ADK: variants seen among roughly 807,000 people sequenced by gnomAD.
ADK encodes N6,N6-dimethyladenosine kinase.
Under a neutral mutation model 44.7 loss-of-function variants are expected in ADK, and 24 were observed. The observed-to-expected ratio is 0.54, with a 90% CI of 0.39 to 0.76. The LOEUF (loss-of-function observed/expected upper bound fraction) is 0.76, where lower values mean the gene tolerates loss of function less well. ADK is among the 30% of genes least tolerant of loss of function. ADK has a pLI of 0.00. For synonymous variants in ADK, 128 were observed against 142.6 expected (o/e 0.90, Z 0.73); for missense variants, 321 against 425.1 (o/e 0.76, Z 2.15).
In ADK at chr10:74,293,495, T is replaced by C. The variant is rs993466609; in HGVS notation, c.195-21172T>C. Among the ~76,000 whole-genome samples the C allele has an allele frequency of 1.3e-5, 2 of 152,112 alleles. 1 individual carries two copies. The highest frequency in any genetic ancestry group is 2.9e-5 in the Non-Finnish European group (2 of 67,982). ...AGTACTAATGAACTACTCTCTTAAC[T>C]TGTTATTGAACTACACCTTCTCCAA... On this transcript the variant is annotated intron_variant, in intron 3 of 10. Transcript: ENST00000539909.
At chr10:74,703,332 A>T (rs1219217327) in intron 10 of ADK, among the ~76,000 whole-genome samples, 1 of 152,046 alleles carries the variant, frequency 6.6e-6, no homozygotes, top group Admixed American at 6.6e-5. Flanking sequence ...GTACAAAAAA[A>T]TTAGCCAGGC....
chr10:74,365,698 A>G (rs1842476693), intron 4 of ADK, among the ~76,000 whole-genome samples: 1 of 152,116 alleles, frequency 6.6e-6, no homozygotes, highest in Non-Finnish European at 1.5e-5. Flanking sequence ...GCTTTGGCTG[A>G]TTCATTTTGG....
intron 2 of ADK, among the ~76,000 whole-genome samples, chr10:74,205,354 A>G (rs1345993267): frequency 6.6e-6 from 1 of 152,148 alleles, no homozygotes; most frequent in Admixed American, 6.5e-5. Context: ...GTAGTGTACC[A>G]GGAATGTAGA....
At chr10:74,251,901 T>TG (rs1202877401) in intron 3 of ADK, among the ~76,000 whole-genome samples, 2 of 147,260 alleles carry the variant, frequency 1.4e-5, no homozygotes, top group East Asian at 3.9e-4. Flanking sequence ...ATACTTTTTT[T>TG]TTTTTTTTTT....
At chr10:74,333,517 G>T (rs1249055538) in intron 4 of ADK, among the ~76,000 whole-genome samples, 1 of 152,130 alleles carries the variant, frequency 6.6e-6, no homozygotes, top group Non-Finnish European at 1.5e-5. Context: ...GGAGAAACAT[G>T]AACAATGGCA....
At chr10:74,489,256 G>A (rs1847382729) in intron 6 of ADK, among the ~76,000 whole-genome samples, 1 of 151,788 alleles carries the variant, frequency 6.6e-6, no homozygotes, top group South Asian at 2.1e-4. Context: ...AATGTAGAAG[G>A]GAAATGTCAG....
chr10:74,183,299 C>T (rs771795325), intron 1 of ADK, among the ~76,000 whole-genome samples: 10 of 151,940 alleles, frequency 6.6e-5, no homozygotes, highest in African/African-American at 1.2e-4. Context: ...TTGCTGGGCA[C>T]GGTGGCACAT....
intron 6 of ADK, among the ~76,000 whole-genome samples, chr10:74,469,880 G>A (rs1271191545): frequency 2.0e-5 from 3 of 152,072 alleles, no homozygotes; most frequent in African/African-American, 7.2e-5. Context: ...TAGGATCATG[G>A]TTTATGGCTG....
intron 7 of ADK, among the ~76,000 whole-genome samples, chr10:74,555,537 G>T (rs557677848): frequency 6.6e-6 from 1 of 151,376 alleles, no homozygotes; most frequent in South Asian, 2.1e-4. Context: ...CTGGAACCCA[G>T]GAGTTCGAAG....
chr10:74,377,618 G>T (rs1842855251), intron 4 of ADK, among the ~76,000 whole-genome samples: 1 of 152,190 alleles, frequency 6.6e-6, no homozygotes, highest in Non-Finnish European at 1.5e-5. Flanking sequence ...TATCAGGAAG[G>T]ATTGCTTTGT....
At chr10:74,201,712 CTATCTATCTATCTATCTATA>C (rs1244986307) in intron 2 of ADK, among the ~76,000 whole-genome samples, 28 of 147,878 alleles carry the variant, frequency 1.9e-4, no homozygotes, top group African/African-American at 7.3e-4. Context: ...ATCTATCTAT[CTATCTATCTATCTATCTATA>C]TATGGTTCAG....
At chr10:74,545,139 A>C (rs2133747853) in intron 7 of ADK, among the ~76,000 whole-genome samples, 1 of 152,246 alleles carries the variant, frequency 6.6e-6, no homozygotes, top group African/African-American at 2.4e-5. Flanking sequence ...TTGGAGATTT[A>C]ATGTACTTAA....
At chr10:74,229,791 C>T (rs908008654) in intron 3 of ADK, among the ~76,000 whole-genome samples, 27 of 152,062 alleles carry the variant, frequency 1.8e-4, no homozygotes, top group African/African-American at 6.5e-4. Context: ...AATCCCAGCA[C>T]TTTGGGAGGC....
intron 8 of ADK, among the ~76,000 whole-genome samples, chr10:74,591,987 TTTAATTGATTA>T (rs1162896817): frequency 6.6e-6 from 1 of 152,110 alleles, no homozygotes; most frequent in African/African-American, 2.4e-5. Flanking sequence ...GCATTTTTTT[TTTAATTGATTA>T]TTATTCTGGT....
intron 2 of ADK, among the ~76,000 whole-genome samples, chr10:74,222,087 G>A (rs1844334154): frequency 6.6e-6 from 1 of 151,990 alleles, no homozygotes; most frequent in African/African-American, 2.4e-5. Flanking sequence ...CCACAAAATG[G>A]GAGAAAATTT....
chr10:74,701,861 T>C (rs545997777), intron 10 of ADK, among the ~76,000 whole-genome samples: 1 of 152,250 alleles, frequency 6.6e-6, no homozygotes, highest in South Asian at 2.1e-4. Context: ...GGAGAGTCAC[T>C]TGAACTGGGG....
chr10:74,349,798 C>T (rs1378117267), intron 4 of ADK, among the ~76,000 whole-genome samples: 1 of 151,232 alleles, frequency 6.6e-6, no homozygotes, highest in Non-Finnish European at 1.5e-5. Context: ...TTTAAACTAA[C>T]AAAGATCAAA....
At chr10:74,379,772 T>C (rs940436516) in intron 4 of ADK, among the ~76,000 whole-genome samples, 3 of 152,190 alleles carry the variant, frequency 2.0e-5, no homozygotes, top group Admixed American at 2.0e-4. Context: ...GTGCCTTTAA[T>C]CCCAGCTACT....
intron 7 of ADK, among the ~76,000 whole-genome samples, chr10:74,533,226 A>G (rs952795532): frequency 3.3e-5 from 5 of 152,316 alleles, no homozygotes; most frequent in South Asian, 4.1e-4. Flanking sequence ...AATTCTACTC[A>G]AAATAATCTA....
Sources: gnomAD v4.1 joint callset for allele counts (sites outside exome capture counted in the v4.1 genomes callset) on GRCh38, gnomAD v4.1.1 for gene constraint, MANE v1.5 for transcripts, NCBI Gene and HGNC (gene_info 2026-07-23, HGNC 2026-07-21) for gene names.